The following ZNF346 variants were observed in gnomAD, a reference collection of about 807,000 sequenced individuals.
ZNF346 encodes double-stranded RNA-binding zinc finger protein JAZ.
A neutral mutation model predicts 33.7 loss-of-function variants in ZNF346; 23 were observed. That is an observed-to-expected ratio of 0.68 (90% CI 0.49 to 0.97). The LOEUF (loss-of-function observed/expected upper bound fraction) is 0.97, where lower values mean the gene tolerates loss of function less well. ZNF346 is among the 50% of genes least tolerant of loss of function. The probability of loss-of-function intolerance (pLI) is 0.00; values close to 1 mark genes in which losing one functional copy is unlikely to be tolerated. For missense variants in ZNF346, 340 were observed against 371.1 expected (o/e 0.92, Z 0.69); for synonymous variants, 134 against 142.4 (o/e 0.94, Z 0.42).
chr5:177,080,620 A>G (rs1482009891), exon 9 of ZNF346: 1 of 152,220 alleles, frequency 6.6e-6, no homozygotes, highest in African/African-American at 2.4e-5. Context: ...AAGCCTGGCC[A>G]ACAATGGCAA....
intron 5 of ZNF346, among the ~76,000 whole-genome samples, chr5:177,057,719 C>T (rs1340555487): frequency 1.4e-5 from 2 of 146,978 alleles, no homozygotes; most frequent in African/African-American, 2.6e-5. Context: ...GTCTGGGCGA[C>T]GGGGTGAGAC....
At chr5:177,052,172 A>G (rs1442401390) in intron 5 of ZNF346, among the ~76,000 whole-genome samples, 1 of 142,852 alleles carries the variant, frequency 7.0e-6, no homozygotes, top group Non-Finnish European at 1.5e-5. Flanking sequence ...CAAAAAAACA[A>G]TTTTTTTTTT....
At chr5:177,044,327 C>A (rs1779755068) in intron 3 of ZNF346, 62 bp from the exon 4 acceptor site, 24 of 1,599,432 alleles carry the variant, frequency 1.5e-5, no homozygotes, top group Non-Finnish European at 2.1e-5. Context: ...CAGTGGGGAA[C>A]CATTGAAGAT....
chr5:177,023,038 G>A (rs1581752196), intron 1 of ZNF346, 125 bp downstream of exon 1: 2 of 1,446,498 alleles, frequency 1.4e-6, no homozygotes, highest in East Asian at 5.0e-5. Context: ...GGGACCCCCA[G>A]ACTTGTGCTC....
At chr5:177,032,168 A>C (rs1400752977) in intron 1 of ZNF346, among the ~76,000 whole-genome samples, 3 of 151,508 alleles carry the variant, frequency 2.0e-5, no homozygotes, top group Non-Finnish European at 4.4e-5. Context: ...ACACCTGGCT[A>C]ATTTTTTGTG....
intron 8 of ZNF346, among the ~76,000 whole-genome samples, chr5:177,078,784 G>A (rs1441950253): frequency 6.6e-6 from 1 of 151,762 alleles, no homozygotes; most frequent in Non-Finnish European, 1.5e-5. Context: ...GGTGGCACAC[G>A]CCTGTAATCC....
At position 177,067,621 on chromosome 5, in the gene ZNF346, G is replaced by A. The variant is rs974008582; in HGVS notation, c.*3022G>A. 6.6e-6 allele frequency among the ~76,000 whole-genome samples: 1 copy of A among 152,208 alleles called. No individual in the cohort carries two copies. The highest frequency in any genetic ancestry group is 2.4e-5 in the African/African-American group (1 of 41,448). On this transcript the variant is annotated 3_prime_UTR_variant, in exon 7 of 7. Transcript: ENST00000358149. ...TACCAGCTGTGTGGCCAGCCCTGTT[G>A]GTAAAGGGACCTAGAGATGAACACT...
intron 1 of ZNF346, among the ~76,000 whole-genome samples, chr5:177,037,496 T>G (rs1180261939): frequency 6.6e-6 from 1 of 152,234 alleles, no homozygotes; most frequent in African/African-American, 2.4e-5. Context: ...TATCTTCCCC[T>G]AGTTCTAATC....
chr5:177,041,128 G>A lies in ZNF346; in HGVS notation c.178G>A (p.Glu60Lys). ...GAQPVGREEV[E>K]HMIQKNQCLF... ...ATTTCTTGTTTTCCCCTCTATAGTG[G>A]AGCACATGATCCAGAAGAACCAATG... Residue 60 changes from glutamate to lysine, a missense_variant and splice_region_variant, in exon 2 of 7, where the codon GAG becomes AAG. Transcript: ENST00000358149. 1 of 1,612,828 alleles carries A rather than the reference G, an allele frequency of 6.2e-7. No homozygotes were observed. Among genetic ancestry groups the A allele is most frequent in the East Asian group, 2.2e-5 (1 of 44,862 alleles).
chr5:177,033,069 A>T (rs1777943835), intron 1 of ZNF346, among the ~76,000 whole-genome samples: 1 of 151,934 alleles, frequency 6.6e-6, no homozygotes, highest in Non-Finnish European at 1.5e-5. Flanking sequence ...CTTTCCTATG[A>T]TTGTTTGAGG....
intron 1 of ZNF346, among the ~76,000 whole-genome samples, chr5:177,039,473 A>G (rs1233091315): frequency 6.7e-6 from 1 of 150,118 alleles, no homozygotes; most frequent in African/African-American, 2.5e-5. Context: ...TTTTTAAGAC[A>G]GGGGCTTGCT....
At chr5:177,064,376 G>A in intron 6 of ZNF346, 136 bp from the exon 7 acceptor site, 1 of 644,346 alleles carries the variant, frequency 1.6e-6, no homozygotes, top group South Asian at 2.1e-5. Context: ...CATTCTGCCA[G>A]CCCACAGTGG....
chr5:177,060,076 G>C (rs1782279180), intron 5 of ZNF346, among the ~76,000 whole-genome samples: 2 of 152,308 alleles, frequency 1.3e-5, no homozygotes, highest in African/African-American at 4.8e-5. Flanking sequence ...GTCATGTTAG[G>C]GCAGCGGGCC....
chr5:177,050,241 A>C (rs1410273197), intron 4 of ZNF346, among the ~76,000 whole-genome samples: 1 of 152,230 alleles, frequency 6.6e-6, no homozygotes, highest in Admixed American at 6.5e-5. Flanking sequence ...TATGAGCTCC[A>C]GGAACTCAAG....
chr5:177,022,924 G>A lies in ZNF346; in HGVS notation c.175+11G>A. The A allele has an allele frequency of 6.9e-7, 1 of 1,457,574 alleles. No homozygotes were observed. Among genetic ancestry groups the A allele is most frequent in the Non-Finnish European group, 9.0e-7 (1 of 1,105,686 alleles). The allele number at this position is 1,457,574 out of a possible 1,614,324, so 90.3% of individuals were successfully genotyped here. ...TGGGTAGAGAGGAAGGTGAGTCGGG[G>A]GCTTTGGAGGCAGAAAGCCCCTCGC... is the stretch of plus-strand genomic sequence containing the variant. On this transcript the variant is annotated intron_variant, in intron 1 of 6. Transcript: ENST00000358149.
In ZNF346 at chr5:177,074,491, C is replaced by G. The variant is rs73343969; in HGVS notation, c.*3-4891C>G. ...AACCAGGATCAAGCTGTTTCTGGAG[C>G]CTGATTCACACCAGGACTTACAGTC... On this transcript the variant is annotated intron_variant, in intron 8 of 8. Transcript: ENST00000503039. Among the ~76,000 whole-genome samples the G allele has an allele frequency of 7.3e-3, 1,105 of 152,272 alleles. 13 individuals are homozygous for G. The highest frequency in any genetic ancestry group is 0.024 in the African/African-American group (1,015 of 41,548).
chr5:177,023,113 C>T, intron 1 of ZNF346, 200 bp downstream of exon 1: 1 of 1,474,220 alleles, frequency 6.8e-7, no homozygotes, highest in East Asian at 2.5e-5. Context: ...GGGCCGCTCA[C>T]GCTCAGGCCC....
At chr5:177,046,652 A>G (rs190338366) in intron 4 of ZNF346, among the ~76,000 whole-genome samples, 1 of 152,228 alleles carries the variant, frequency 6.6e-6, no homozygotes, top group Non-Finnish European at 1.5e-5. Context: ...AAAGTTACCC[A>G]TAATTTTACC....
Position 177,050,833 on chromosome 5 carries a change from TCAA to T in ZNF346, c.606_608del (p.Gln202del), listed in dbSNP as rs770517856. Reference sequence around the variant, plus strand: ...CAACTTTCAACGACCCTGTCATGGCTCAACAACATTATGTGGGCAAGAAACACA... The same window carrying T: ...CAACTTTCAACGACCCTGTCATGGCTCAACATTATGTGGGCAAGAAACACA... On this transcript the variant is annotated inframe_deletion, in exon 5 of 7. Coordinates refer to ENST00000358149, the MANE Select transcript of ZNF346 (RefSeq NM_012279.4). The T allele has an allele frequency of 6.2e-7, 1 of 1,614,164 alleles. No homozygotes were observed. Among genetic ancestry groups the T allele is most frequent in the Non-Finnish European group, 8.5e-7 (1 of 1,180,036 alleles).
Sources: gnomAD v4.1 joint callset for allele counts (sites outside exome capture counted in the v4.1 genomes callset) on GRCh38, gnomAD v4.1.1 for gene constraint, MANE v1.5 for transcripts, NCBI Gene and HGNC (gene_info 2026-07-23, HGNC 2026-07-21) for gene names.